Variants in KITLG observed in about 807,000 individuals in gnomAD.
KITLG encodes KIT ligand, also known as c-Kit ligand.
KITLG carries 13 observed loss-of-function variants against 34.1 expected under a neutral mutation model. That is an observed-to-expected ratio of 0.38 (90% CI 0.25 to 0.61). The LOEUF (loss-of-function observed/expected upper bound fraction) is 0.61. KITLG is among the 20% of genes least tolerant of loss of function. The probability of loss-of-function intolerance (pLI) is 0.60; values close to 1 mark genes in which losing one functional copy is unlikely to be tolerated. For synonymous variants in KITLG, 110 were observed against 104.0 expected (o/e 1.06, Z -0.35); for missense variants, 292 against 318.9 (o/e 0.92, Z 0.64).
chr12:88,531,160 AATATTC>A (rs1192530214), intron 3 of KITLG, among the ~76,000 whole-genome samples: 1 of 152,206 alleles, frequency 6.6e-6, no homozygotes, highest in Non-Finnish European at 1.5e-5. Context: ...AAAATTATTA[AATATTC>A]AAAAAGTTCC....
chr12:88,578,256 C>T (rs1251187380), intron 1 of KITLG, among the ~76,000 whole-genome samples: 1 of 152,032 alleles, frequency 6.6e-6, no homozygotes, highest in East Asian at 1.9e-4. Context: ...TAGAAGTATT[C>T]TTAAAAAAAA....
chr12:88,520,471 CA>C (rs1208706960), intron 3 of KITLG, among the ~76,000 whole-genome samples: 3 of 152,144 alleles, frequency 2.0e-5, no homozygotes, highest in Non-Finnish European at 4.4e-5. Context: ...TAGCTTTCAC[CA>C]ATTCATTCCG....
At chr12:88,553,486 C>A (rs1263006290) in intron 1 of KITLG, among the ~76,000 whole-genome samples, 1 of 151,474 alleles carries the variant, frequency 6.6e-6, no homozygotes, top group Non-Finnish European at 1.5e-5. Flanking sequence ...TGACATTTTT[C>A]TTTGGCTACT....
chr12:88,552,005 T>C (rs977407228), intron 1 of KITLG, among the ~76,000 whole-genome samples: 6 of 152,036 alleles, frequency 3.9e-5, no homozygotes, highest in Admixed American at 3.3e-4. Context: ...CTTGCTGGCA[T>C]TGAAAATAGA....
At chr12:88,572,604 T>TA (rs1170863798) in intron 1 of KITLG, among the ~76,000 whole-genome samples, 6 of 146,792 alleles carry the variant, frequency 4.1e-5, no homozygotes, top group Admixed American at 6.9e-5. Context: ...ATTATATATA[T>TA]ATATATATAT....
chr12:88,522,872 C>A (rs1869726194), intron 3 of KITLG, among the ~76,000 whole-genome samples: 2 of 152,246 alleles, frequency 1.3e-5, no homozygotes, highest in South Asian at 4.1e-4. Flanking sequence ...TATCTATGTT[C>A]TTTCTTATAG....
At chr12:88,562,502 G>A (rs1460115713) in intron 1 of KITLG, among the ~76,000 whole-genome samples, 1 of 152,188 alleles carries the variant, frequency 6.6e-6, no homozygotes, top group Non-Finnish European at 1.5e-5. Flanking sequence ...GGCAATGGCA[G>A]GTGTGAAGAA....
At chr12:88,507,662 C>T (rs554284717) in intron 6 of KITLG, among the ~76,000 whole-genome samples, 3 of 152,072 alleles carry the variant, frequency 2.0e-5, no homozygotes, top group African/African-American at 7.2e-5. Flanking sequence ...ATGGCTGTTT[C>T]CACGTTCATA....
intron 9 of KITLG, among the ~76,000 whole-genome samples, chr12:88,497,614 C>T (rs1013423125): frequency 1.3e-5 from 2 of 152,132 alleles, no homozygotes; most frequent in African/African-American, 2.4e-5. Context: ...ACTTAGTTAG[C>T]TTTGAATTTC....
chr12:88,575,671 G>T (rs1415762873), intron 1 of KITLG, among the ~76,000 whole-genome samples: 2 of 152,086 alleles, frequency 1.3e-5, no homozygotes, highest in African/African-American at 4.8e-5. Flanking sequence ...TTTGTAAATT[G>T]TTCTGTCTAC....
chr12:88,517,597 T>C (rs1205190754), intron 4 of KITLG, among the ~76,000 whole-genome samples: 4 of 152,166 alleles, frequency 2.6e-5, no homozygotes, highest in Admixed American at 2.0e-4. Context: ...TGTTATTTCC[T>C]TTGTGACACC....
At position 88,505,289 on chromosome 12, in the gene KITLG, T is replaced by C; in HGVS notation, c.783-54A>G. 2.2e-6 allele frequency: 3 copies of C among 1,390,554 alleles called. No individual in the cohort carries two copies. The East Asian group carries it at 6.9e-5, about 32-fold the overall frequency. The allele number at this position is 1,390,554 out of a possible 1,614,324, so 86.1% of individuals were successfully genotyped here. A position where few individuals can be genotyped will look rare whatever the true frequency, so the allele number is the denominator to read the frequency against. On this transcript the variant is annotated intron_variant, in intron 8 of 9. Transcript: ENST00000644744. The stretch of plus-strand genomic sequence containing the variant: ...TTGCTCTTGGTCAGAGATTCTGAGG[T>C]ACACCATGATCTCGGCATTGTAAAA...
chr12:88,546,035 A>T, intron 1 of KITLG, 170 bp from the exon 2 acceptor site: 1 of 719,038 alleles, frequency 1.4e-6, no homozygotes, highest in Non-Finnish European at 2.6e-6. Flanking sequence ...AGTTTTTAAA[A>T]GCTTTTAGTT....
At chr12:88,519,863 A>G (rs551218271) in intron 3 of KITLG, among the ~76,000 whole-genome samples, 1 of 152,214 alleles carries the variant, frequency 6.6e-6, no homozygotes, top group African/African-American at 2.4e-5. Flanking sequence ...GCCTCAAGCA[A>G]TCCTCCCTCC....
At chr12:88,503,005 C>T (rs1187599495) in intron 9 of KITLG, among the ~76,000 whole-genome samples, 3 of 151,814 alleles carry the variant, frequency 2.0e-5, no homozygotes, top group South Asian at 2.1e-4. Flanking sequence ...AATATTGCTT[C>T]GGAAAATAAA....
intron 6 of KITLG, among the ~76,000 whole-genome samples, chr12:88,509,869 C>G (rs888279332): frequency 6.6e-6 from 1 of 152,060 alleles, no homozygotes; most frequent in Non-Finnish European, 1.5e-5. Flanking sequence ...CTGCAGCTAT[C>G]GAGTAGGAAT....
In KITLG at chr12:88,494,707, T is replaced by C. The variant is rs552073229; in HGVS notation, c.*2512A>G. The stretch of plus-strand genomic sequence containing the variant: ...AAGAGGTGCAAAGCTTTCAGTATCA[T>C]TGAGAATCTACAGACTTCTGAGATC... On this transcript the variant is annotated 3_prime_UTR_variant, in exon 10 of 10. Transcript: ENST00000644744. 28 of 152,468 alleles carry C rather than the reference T, an allele frequency of 1.8e-4. No individual in the cohort carries two copies. Among genetic ancestry groups the C allele is most frequent in the African/African-American group, 6.0e-4 (25 of 41,532 alleles). 9.4% of individuals were successfully genotyped at this position (152,468 alleles called of 1,614,324 possible).
chr12:88,511,871 G>C (rs1004753527), intron 6 of KITLG, among the ~76,000 whole-genome samples: 6 of 152,084 alleles, frequency 3.9e-5, no homozygotes, highest in Non-Finnish European at 7.3e-5. Context: ...TAAAAACAAG[G>C]CTGGGAGAAA....
At chr12:88,518,953 T>G in intron 3 of KITLG, 86 bp from the exon 4 acceptor site, 1 of 1,217,642 alleles carries the variant, frequency 8.2e-7, no homozygotes, top group East Asian at 2.5e-5. Flanking sequence ...GCTATCGTTT[T>G]AGTTACTCAA....
Sources: allele counts gnomAD v4.1 joint callset (sites outside exome capture counted in the v4.1 genomes callset), GRCh38; gene constraint gnomAD v4.1.1; transcripts MANE v1.5; gene names NCBI Gene and HGNC (gene_info 2026-07-23, HGNC 2026-07-21).